The following ZNF442 variants were observed in gnomAD, a reference collection of about 807,000 sequenced individuals.
The protein encoded by ZNF442 is zinc finger protein 442.
In ZNF442, 45 loss-of-function variants were observed where a neutral mutation model predicts 57.0. The observed-to-expected ratio is 0.79, with a 90% CI of 0.62 to 1.01. The LOEUF is 1.01. Ranked by LOEUF, ZNF442 falls within the 50% of genes least tolerant of loss-of-function variation. The pLI is 0.00. For synonymous variants in ZNF442, 213 were observed against 241.8 expected (o/e 0.88, Z 1.10); for missense variants, 690 against 756.5 (o/e 0.91, Z 1.03).
In ZNF442 at chr19:12,349,708, G is replaced by T. The variant is rs772844894; in HGVS notation, c.1877C>A (p.Thr626Asn). ...HRHKRTHWRD[T>N]L ...ATGAATGCTTTTCCACATTTATAGA[G>T]TATCTCTCCAGTGAGTCCTTTTATG... The change falls in exon 6 of 6, where the codon ACT becomes AAT. Residue 626 changes from threonine to asparagine, a missense_variant. By Grantham distance (65) the Thr-to-Asn change is moderately conservative. Transcript: ENST00000242804. The T allele has an allele frequency of 2.6e-5, 41 of 1,600,586 alleles. No individual in the cohort carries two copies. In the South Asian group the frequency reaches 4.6e-4, roughly 18 times the overall value.
At position 12,349,881 on chromosome 19, in the gene ZNF442, T is replaced by A; in HGVS notation, c.1704A>T (p.Gly568=). Residue 568 remains glycine, a synonymous_variant, in exon 6 of 6, where the codon GGA becomes GGT. Coordinates refer to ENST00000242804, the MANE Select transcript of ZNF442 (RefSeq NM_030824.3). ...ATTGTTGACATTCATAAGATTTCTT[T>A]CCAGTGTGAATTCTTTCATGTCGCA... ...CLLRHERIHT[G]KKSYECQQCG... The A allele has an allele frequency of 1.9e-6, 3 of 1,613,806 alleles. No individual in the cohort carries two copies. Among genetic ancestry groups the A allele is most frequent in the Non-Finnish European group, 2.5e-6 (3 of 1,179,932 alleles).
chr19:12,366,752 T>A (rs1267368452), upstream of ZNF442, among the ~76,000 whole-genome samples: 1 of 152,196 alleles, frequency 6.6e-6, no homozygotes, highest in African/African-American at 2.4e-5. Context: ...TGCCTCAGCC[T>A]CCCGAGTAGC....
At chr19:12,356,563 G>T (rs941965243) in intron 3 of ZNF442, among the ~76,000 whole-genome samples, 15 of 151,642 alleles carry the variant, frequency 9.9e-5, no homozygotes, top group Non-Finnish European at 2.2e-4. Context: ...GGAGGCAGAG[G>T]TTGCAGTGAG....
rs1465971815 is a variant in ZNF442 at position 12,347,883 on chromosome 19, G to A, written c.*1818C>T. The A allele has an allele frequency of 6.6e-6, 1 of 152,080 alleles. No individual in the cohort carries two copies. Among genetic ancestry groups the A allele is most frequent in the South Asian group, 2.1e-4 (1 of 4,826 alleles). The allele number at this position is 152,080 out of a possible 1,614,324, so 9.4% of individuals were successfully genotyped here. On this transcript the variant is annotated 3_prime_UTR_variant, in exon 6 of 6. Transcript: ENST00000242804. ...TTTCTATCCCAACACAAATAAGAGA[G>A]CATAAATACTAACAAGGAACTCGAA... is the stretch of plus-strand genomic sequence containing the variant.
intron 3 of ZNF442, among the ~76,000 whole-genome samples, chr19:12,361,712 A>ACGGTCT (rs1165790996): frequency 1.4e-4 from 5 of 36,426 alleles, no homozygotes; most frequent in Admixed American, 4.1e-4. Flanking sequence ...CGCTGTCCCC[A>ACGGTCT]CGGTCTCCCT....
intron 3 of ZNF442, among the ~76,000 whole-genome samples, chr19:12,362,732 G>C (rs900509823): frequency 2.0e-5 from 3 of 152,160 alleles, no homozygotes; most frequent in African/African-American, 7.2e-5. Flanking sequence ...CATTGAGAGT[G>C]GGCCATGATG....
chr19:12,365,586 G>T lies in ZNF442; in HGVS notation c.-536C>A. The T allele has an allele frequency of 2.6e-6, 1 of 379,536 alleles. No homozygotes were observed. Among genetic ancestry groups the T allele is most frequent in the South Asian group, 3.0e-5 (1 of 33,450 alleles). 23.5% of individuals were successfully genotyped at this position (379,536 alleles called of 1,614,324 possible). A position where few individuals can be genotyped will look rare whatever the true frequency, so the allele number is the denominator to read the frequency against. ...TTCTCCCCAAGGTTCCCCGCTGCCA[G>T]CATAGGACTCAGCGTGACAGTGCCT... On this transcript the variant is annotated 5_prime_UTR_variant, in exon 1 of 6. The change creates a new upstream start codon in the 5' untranslated region. Coordinates refer to ENST00000242804, the MANE Select transcript of ZNF442 (RefSeq NM_030824.3).
At chr19:12,359,345 G>C (rs1417877812) in intron 3 of ZNF442, among the ~76,000 whole-genome samples, 8 of 152,038 alleles carry the variant, frequency 5.3e-5, no homozygotes, top group African/African-American at 1.9e-4. Flanking sequence ...AACTCCCCAA[G>C]CCCAGTTCTT....
intron 3 of ZNF442, among the ~76,000 whole-genome samples, chr19:12,353,452 G>T (rs1383916339): frequency 6.6e-6 from 1 of 152,126 alleles, no homozygotes; most frequent in East Asian, 1.9e-4. Flanking sequence ...TACAAGAATA[G>T]GAGTCCTGAG....
At position 12,351,277 on chromosome 19, in the gene ZNF442, T is replaced by A; in HGVS notation, c.308A>T (p.Asp103Val). The change falls in exon 6 of 6, where the codon GAT (aspartate) becomes GTT (valine). Residue 103 changes from aspartate (D) to valine (V), a missense_variant. Physicochemically the swap from Asp to Val is radical, Grantham distance 152. Coordinates refer to ENST00000242804, the MANE Select transcript of ZNF442 (RefSeq NM_030824.3). ...AGGAGGTTTTTCATTCACAGTACTATCTGGCTGGCGACTTTCACTAAATCT... is the reference window on the plus strand; with the variant it reads ...AGGAGGTTTTTCATTCACAGTACTAACTGGCTGGCGACTTTCACTAAATCT... ...IERFSESRQP[D>V]STVNEKPPGV... The A allele has an allele frequency of 6.2e-7, 1 of 1,614,022 alleles. No individual in the cohort carries two copies. The highest frequency in any genetic ancestry group is 8.5e-7 in the Non-Finnish European group (1 of 1,179,928).
At position 12,365,629 on chromosome 19, in the gene ZNF442, G is replaced by T; in HGVS notation, c.-579C>A. On this transcript the variant is annotated 5_prime_UTR_variant, in exon 1 of 6. Coordinates refer to ENST00000242804, the MANE Select transcript of ZNF442 (RefSeq NM_030824.3). ...CAGTGCCTGCCACTGACCTGCCAGG[G>T]CTTCTCTCAGCTACAGAGCCAGGAG... 3.8e-6 allele frequency: 1 copy of T among 261,994 alleles called. No individual in the cohort carries two copies. The allele number at this position is 261,994 out of a possible 1,614,324, so 16.2% of individuals were successfully genotyped here.
chr19:12,351,783 G>A (rs973425084), intron 5 of ZNF442: 39 of 457,300 alleles, frequency 8.5e-5, no homozygotes, highest in Admixed American at 5.4e-4. Flanking sequence ...GATTACAGGC[G>A]TGAGCCACCG....
chr19:12,349,885 G>T lies in ZNF442; in HGVS notation c.1700C>A (p.Thr567Asn). Residue 567 changes from threonine to asparagine, a missense_variant, in exon 6 of 6, where the codon ACT becomes AAT. Transcript: ENST00000242804. ...TCLLRHERIH[T>N]GKKSYECQQC... ...TTGACATTCATAAGATTTCTTTCCA[G>T]TGTGAATTCTTTCATGTCGCAGAAG... 3 of 1,613,908 alleles carry T rather than the reference G, an allele frequency of 1.9e-6. No individual in the cohort carries two copies. The highest frequency in any genetic ancestry group is 2.5e-6 in the Non-Finnish European group (3 of 1,179,974).
At chr19:12,354,432 C>T (rs1969292213) in intron 3 of ZNF442, among the ~76,000 whole-genome samples, 2 of 152,054 alleles carry the variant, frequency 1.3e-5, no homozygotes, top group South Asian at 4.1e-4. Flanking sequence ...GATAATATTC[C>T]CTAAATAGCT....
chr19:12,353,469 T>C (rs1385826396), intron 3 of ZNF442, among the ~76,000 whole-genome samples: 2 of 152,316 alleles, frequency 1.3e-5, no homozygotes, highest in South Asian at 2.1e-4. Flanking sequence ...TGAGATTGTA[T>C]ATATTTACAA....
rs1303787220 is a variant in ZNF442 at position 12,351,037 on chromosome 19, C to T, written c.548G>A (p.Cys183Tyr). 4.3e-6 allele frequency: 7 copies of T among 1,614,098 alleles called. No individual in the cohort carries two copies. Among genetic ancestry groups the T allele is most frequent in the Non-Finnish European group, 5.9e-6 (7 of 1,179,970 alleles). Residue 183 changes from cysteine to tyrosine, a missense_variant, in exon 6 of 6, where the codon TGT becomes TAT. Coordinates refer to ENST00000242804, the MANE Select transcript of ZNF442 (RefSeq NM_030824.3). ...ACTGAAGGTTTTCCCACATTCCTTA[C>T]AATCATAGCGTTTCTTTCCAGTGTG... ...RPHTGKKRYD[C>Y]KECGKTFSSS...
upstream of ZNF442, among the ~76,000 whole-genome samples, chr19:12,369,047 T>C (rs887102200): frequency 1.3e-5 from 2 of 152,112 alleles, no homozygotes; most frequent in African/African-American, 4.8e-5. Flanking sequence ...GAAATACAAG[T>C]GTCACTGGTA....
At chr19:12,358,621 G>A (rs1443224386) in intron 3 of ZNF442, among the ~76,000 whole-genome samples, 1 of 152,154 alleles carries the variant, frequency 6.6e-6, no homozygotes, top group African/African-American at 2.4e-5. Flanking sequence ...ACTGAAAACA[G>A]AAAAGAGGCA....
chr19:12,351,860 AC>A, intron 5 of ZNF442, 149 bp downstream of exon 5: 1 of 632,226 alleles, frequency 1.6e-6, no homozygotes, highest in Non-Finnish European at 2.7e-6. Flanking sequence ...TAGTTATATC[AC>A]ATTTAAGTAT....
Sources: allele counts gnomAD v4.1 joint callset (sites outside exome capture counted in the v4.1 genomes callset), GRCh38; gene constraint gnomAD v4.1.1; transcripts MANE v1.5; gene names NCBI Gene and HGNC (gene_info 2026-07-23, HGNC 2026-07-21).